MID1: variants seen among roughly 807,000 people sequenced by gnomAD.
MID1 encodes E3 ubiquitin-protein ligase Midline-1.
Under a neutral mutation model 40.4 loss-of-function variants are expected in MID1, and 7 were observed. The observed-to-expected ratio is 0.17, with a 90% CI of 0.10 to 0.33. MID1 has a LOEUF of 0.33. Ranked by LOEUF, MID1 falls within the 10% of genes least tolerant of loss-of-function variation. MID1 has a pLI of 1.00. For synonymous variants in MID1, 229 were observed against 221.2 expected (o/e 1.04, Z -0.31); for missense variants, 367 against 558.5 (o/e 0.66, Z 3.46).
At chrX:10,594,144 G>A (rs7878038) in intron 1 of MID1, among the ~76,000 whole-genome samples, 15,874 of 110,537 alleles carry the variant, frequency 0.14, 1,913 homozygotes, top group African/African-American at 0.39. Context: ...ATATCTGTGT[G>A]TATATATATT....
At chrX:10,629,441 T>C (rs1056478272) in intron 1 of MID1, among the ~76,000 whole-genome samples, 2 of 111,229 alleles carry the variant, frequency 1.8e-5, no homozygotes, top group Non-Finnish European at 3.8e-5. Flanking sequence ...CCTCAAGTGA[T>C]CCACCAGTCT....
rs375668839 is a variant in MID1 at position 10,523,193 on chromosome X, C to CAAAA, written c.661-10_661-7dup. 36 of 786,278 alleles carry CAAAA rather than the reference C, an allele frequency of 4.6e-5. No homozygotes were observed. The African/African-American group carries it at 4.6e-4, about 10-fold the overall frequency. 64.8% of individuals were successfully genotyped at this position (786,278 alleles called of 1,213,427 possible). ...AGGTTACTCTCTAAGTTTTGCTGTT[C>CAAAA]AAAAAAAAAAAAAAAAGAGGAAAAA... On this transcript the variant is annotated splice_region_variant and splice_polypyrimidine_tract_variant and intron_variant, in intron 2 of 9. Coordinates refer to ENST00000317552, the MANE Select transcript of MID1 (RefSeq NM_000381.4).
intron 1 of MID1, among the ~76,000 whole-genome samples, chrX:10,731,120 G>A (rs2043446257): frequency 8.9e-6 from 1 of 111,744 alleles, no homozygotes; most frequent in Non-Finnish European, 1.9e-5. Context: ...ATTTGTGACT[G>A]TCTGTTATTC....
intron 5 of MID1, among the ~76,000 whole-genome samples, chrX:10,477,035 G>T (rs1181181765): frequency 7.1e-5 from 8 of 112,462 alleles, no homozygotes. Context: ...CAGAATATAT[G>T]CATTCGATGC....
chrX:10,691,615 C>T (rs2043131668), intron 1 of MID1, among the ~76,000 whole-genome samples: 1 of 111,664 alleles, frequency 9.0e-6, no homozygotes, highest in Non-Finnish European at 1.9e-5. Context: ...ATGTACGTCA[C>T]CTCAAGACCA....
At chrX:10,451,388 G>A (rs1928328853) in intron 9 of MID1, among the ~76,000 whole-genome samples, 2 of 111,647 alleles carry the variant, frequency 1.8e-5, no homozygotes, top group East Asian at 5.6e-4. Flanking sequence ...GAGTACACCT[G>A]CCTTGTGCTG....
chrX:10,470,153 A>G (rs1290770507), intron 6 of MID1, among the ~76,000 whole-genome samples: 1 of 112,423 alleles, frequency 8.9e-6, no homozygotes, highest in Non-Finnish European at 1.9e-5. Flanking sequence ...AAAGTAAACA[A>G]GATAAAGTTT....
intron 1 of MID1, among the ~76,000 whole-genome samples, chrX:10,826,245 A>C (rs914474722): frequency 3.7e-5 from 4 of 109,397 alleles, no homozygotes; most frequent in Non-Finnish European, 7.6e-5. Context: ...TGCATCATCC[A>C]CTCCTTTCGA....
At chrX:10,457,327 A>G (rs1381483991) in intron 8 of MID1, among the ~76,000 whole-genome samples, 6 of 111,803 alleles carry the variant, frequency 5.4e-5, no homozygotes, top group Admixed American at 4.7e-4. Flanking sequence ...GAGCAGAATC[A>G]TGCAATCTTG....
intron 4 of MID1, among the ~76,000 whole-genome samples, chrX:10,484,102 C>A (rs1227094916): frequency 9.0e-6 from 1 of 111,131 alleles, no homozygotes; most frequent in Non-Finnish European, 1.9e-5. Context: ...TGGCATCATT[C>A]TATCTGGAGG....
chrX:10,527,608 G>A (rs1602351535), intron 2 of MID1, among the ~76,000 whole-genome samples: 1 of 111,391 alleles, frequency 9.0e-6, no homozygotes, highest in East Asian at 2.8e-4. Flanking sequence ...AAGCACCTGT[G>A]CCTTTTCACC....
chrX:10,656,373 G>A (rs1205018809), intron 1 of MID1, among the ~76,000 whole-genome samples: 1 of 111,968 alleles, frequency 8.9e-6, no homozygotes, highest in Non-Finnish European at 1.9e-5. Context: ...ACACCTGTCA[G>A]GTTGGCCCCC....
chrX:10,591,295 A>AT (rs1183041676), intron 1 of MID1, among the ~76,000 whole-genome samples: 1 of 112,303 alleles, frequency 8.9e-6, no homozygotes, highest in Non-Finnish European at 1.9e-5. Context: ...CATGGTAAAG[A>AT]TATGTTGGTT....
At chrX:10,722,869 T>C (rs1022675503) in intron 1 of MID1, among the ~76,000 whole-genome samples, 4 of 111,782 alleles carry the variant, frequency 3.6e-5, no homozygotes, top group Non-Finnish European at 7.5e-5. Flanking sequence ...ATTATTACTA[T>C]TTTTTCTTAT....
intron 1 of MID1, among the ~76,000 whole-genome samples, chrX:10,572,642 C>CA (rs768797649): frequency 0.017 from 1,388 of 82,391 alleles, 17 homozygotes; most frequent in African/African-American, 0.044. Flanking sequence ...TTCCATGCCT[C>CA]AAAAAAAAAA....
chrX:10,645,171 C>T (rs984360238), intron 1 of MID1, among the ~76,000 whole-genome samples: 5 of 111,583 alleles, frequency 4.5e-5, no homozygotes, highest in Non-Finnish European at 9.4e-5. Flanking sequence ...ACCTATGTAA[C>T]TTCTCAGGGT....
intron 1 of MID1, among the ~76,000 whole-genome samples, chrX:10,814,364 A>G (rs144422288): frequency 0.033 from 3,646 of 111,473 alleles, 163 homozygotes; most frequent in African/African-American, 0.11. Context: ...TGGCCACCAG[A>G]ATGACTCACA....
intron 1 of MID1, among the ~76,000 whole-genome samples, chrX:10,759,821 G>A (rs980148244): frequency 1.8e-5 from 2 of 112,051 alleles, no homozygotes; most frequent in Non-Finnish European, 3.8e-5. Context: ...TGTGTGGTTT[G>A]TAAAGCACAA....
At chrX:10,497,926 GAATA>G (rs1339899517) in intron 3 of MID1, among the ~76,000 whole-genome samples, 2 of 112,101 alleles carry the variant, frequency 1.8e-5, no homozygotes, top group Non-Finnish European at 3.8e-5. Context: ...AATATTTGTT[GAATA>G]AATAAATAGG....
Sources: allele counts gnomAD v4.1 joint callset (sites outside exome capture counted in the v4.1 genomes callset), GRCh38; gene constraint gnomAD v4.1.1; transcripts MANE v1.5; gene names NCBI Gene and HGNC (gene_info 2026-07-23, HGNC 2026-07-21).